DOCK7: variants seen among roughly 807,000 people sequenced by gnomAD.
DOCK7 encodes the protein dedicator of cytokinesis 7.
Under a neutral mutation model 271.0 loss-of-function variants are expected in DOCK7, and 138 were observed. That is an observed-to-expected ratio of 0.51 (90% confidence interval 0.44 to 0.59). The LOEUF (loss-of-function observed/expected upper bound fraction) is 0.59. Ranked by LOEUF, DOCK7 falls within the 20% of genes least tolerant of loss-of-function variation. The pLI is 0.00. For missense variants in DOCK7, 2,066 were observed against 2,592.4 expected (o/e 0.80, Z 4.41); for synonymous variants, 823 against 876.1 (o/e 0.94, Z 1.07).
At chr1:62,677,544 AG>A (rs901617902) in intron 1 of DOCK7, among the ~76,000 whole-genome samples, 4 of 151,180 alleles carry the variant, frequency 2.6e-5, no homozygotes, top group Non-Finnish European at 5.9e-5. Context: ...TTGCAACCCC[AG>A]CAAATAAAAA....
At chr1:62,533,126 C>T (rs999493437) in intron 29 of DOCK7, among the ~76,000 whole-genome samples, 6 of 152,046 alleles carry the variant, frequency 3.9e-5, no homozygotes, top group Admixed American at 1.3e-4. Context: ...TATCAGGCAG[C>T]CGTTTTCTTA....
At chr1:62,467,882 C>A (rs1049088699) in intron 48 of DOCK7, among the ~76,000 whole-genome samples, 1 of 152,158 alleles carries the variant, frequency 6.6e-6, no homozygotes, top group Non-Finnish European at 1.5e-5. Context: ...CCAAATCCAA[C>A]AGCATAGCAA....
intron 37 of DOCK7, among the ~76,000 whole-genome samples, chr1:62,500,996 C>T (rs996081722): frequency 5.3e-5 from 8 of 151,766 alleles, no homozygotes; most frequent in Non-Finnish European, 1.0e-4. Context: ...ACCATCATGC[C>T]ACTGCAGTCT....
Position 62,648,541 on chromosome 1 carries a change from A to G in DOCK7, c.393T>C (p.Tyr131=). Residue 131 remains tyrosine, a synonymous_variant, in exon 5 of 50, where the codon TAT becomes TAC. Coordinates refer to ENST00000635253, the MANE Select transcript of DOCK7 (RefSeq NM_001367561.1). ...GATTAAATCCTGTTCCCAATTTATG[A>G]TATCTATTAAAGAAAAAAAGTTAAA... ...TEDWAIVIRK[Y]HKLGTGFNPN... 2 of 1,308,668 alleles carry G rather than the reference A, an allele frequency of 1.5e-6. No individual in the cohort carries two copies. The highest frequency in any genetic ancestry group is 1.0e-6 in the Non-Finnish European group (1 of 987,928). The allele number at this position is 1,308,668 out of a possible 1,614,324, so 81.1% of individuals were successfully genotyped here.
intron 11 of DOCK7, among the ~76,000 whole-genome samples, chr1:62,629,844 C>A (rs375143271): frequency 2.8e-4 from 42 of 152,310 alleles, no homozygotes; most frequent in South Asian, 1.9e-3. Context: ...GTCACAAAAA[C>A]TTAACCAAAC....
intron 25 of DOCK7, 58 bp downstream of exon 25, chr1:62,542,550 G>C: frequency 1.3e-6 from 2 of 1,494,092 alleles, no homozygotes; most frequent in South Asian, 2.4e-5. Flanking sequence ...AAATGAGCTA[G>C]CATAAAATTG....
chr1:62,497,295 A>G (rs1029366972), intron 37 of DOCK7, among the ~76,000 whole-genome samples: 1 of 152,108 alleles, frequency 6.6e-6, no homozygotes, highest in Non-Finnish European at 1.5e-5. Context: ...AACATACTCT[A>G]AAGAGCCTCA....
In DOCK7 at chr1:62,555,975, C is replaced by A; in HGVS notation, c.2446G>T (p.Ala816Ser). The A allele has an allele frequency of 6.2e-7, 1 of 1,613,490 alleles. No homozygotes were observed. ...ATTGATGCCATGGCTTCAAAAGATG[C>A]TTGACCTAGGTTAACTTTTAAGAAA... ...IAGQIVNLGQ[A>S]SFEAMASIIN... The change falls in exon 21 of 50, where the codon GCA becomes TCA. Residue 816 changes from alanine to serine, a missense_variant. Physicochemically the swap from Ala to Ser is moderately conservative, Grantham distance 99 (BLOSUM62 1). Transcript: ENST00000635253.
At chr1:62,669,261 T>A (rs1171334679) in intron 1 of DOCK7, among the ~76,000 whole-genome samples, 3 of 152,220 alleles carry the variant, frequency 2.0e-5, no homozygotes, top group South Asian at 4.1e-4. Context: ...TTGATTTCAG[T>A]AGTGGGAAAG....
chr1:62,631,428 TTA>T, intron 10 of DOCK7, 23 bp from the exon 11 acceptor site: 1 of 1,547,794 alleles, frequency 6.5e-7, no homozygotes, highest in Non-Finnish European at 8.7e-7. Flanking sequence ...ACTTTATACA[TTA>T]TATGATTATA....
At chr1:62,583,523 T>C (rs746453383) in intron 15 of DOCK7, among the ~76,000 whole-genome samples, 1 of 152,220 alleles carries the variant, frequency 6.6e-6, no homozygotes, top group African/African-American at 2.4e-5. Context: ...TACATTTCTT[T>C]CCTTTTTCTT....
chr1:62,584,206 T>C (rs1647244425), intron 15 of DOCK7: 1 of 984,328 alleles, frequency 1.0e-6, no homozygotes, highest in Non-Finnish European at 1.2e-6. Context: ...TTTGCAACAT[T>C]TCAAGCAGGC....
At chr1:62,587,299 TA>T in intron 14 of DOCK7, among the ~76,000 whole-genome samples, 3,198 of 41,868 alleles carry the variant, frequency 0.076, 91 homozygotes, top group African/African-American at 0.18. Context: ...ACCAAATAGC[TA>T]AAAAAAAAAA....
At chr1:62,603,244 C>A (rs1010862567) in intron 14 of DOCK7, among the ~76,000 whole-genome samples, 1 of 151,570 alleles carries the variant, frequency 6.6e-6, no homozygotes, top group Non-Finnish European at 1.5e-5. Flanking sequence ...TTGTATTTAC[C>A]AGCAATCCTT....
intron 14 of DOCK7, among the ~76,000 whole-genome samples, chr1:62,592,169 C>G (rs966833907): frequency 6.6e-6 from 1 of 152,086 alleles, no homozygotes; most frequent in Non-Finnish European, 1.5e-5. Flanking sequence ...ACTACTAACT[C>G]CATTAATAAA....
In DOCK7 at chr1:62,653,756, A is replaced by G; in HGVS notation, c.358T>C (p.Tyr120His). 6.3e-7 allele frequency: 1 copy of G among 1,593,718 alleles called. No homozygotes were observed. The highest frequency in any genetic ancestry group is 8.6e-7 in the Non-Finnish European group (1 of 1,162,764). Reference protein sequence around the residue: ...DPHVRDCIRSYTEDWAIVIRK... With the variant: ...DPHVRDCIRSHTEDWAIVIRK... ...ATGACAATTGCCCAGTCTTCTGTAT[A>G]ACTTCTTATACAGTCTCTAACATGT... The change falls in exon 4 of 50, where the codon TAT becomes CAT. Residue 120 changes from tyrosine to histidine, a missense_variant. This residue lies in a region of DOCK7 where 1,414 missense variants were observed against 1,670.4 expected (regional missense o/e 0.85). Coordinates refer to ENST00000635253, the MANE Select transcript of DOCK7 (RefSeq NM_001367561.1).
intron 29 of DOCK7, among the ~76,000 whole-genome samples, chr1:62,534,402 C>A (rs998485972): frequency 1.3e-5 from 2 of 152,004 alleles, no homozygotes; most frequent in South Asian, 4.2e-4. Flanking sequence ...TCACTCGAGG[C>A]CAGGAGTTGG....
intron 14 of DOCK7, chr1:62,604,761 T>C (rs777991106): frequency 1.9e-6 from 3 of 1,613,110 alleles, no homozygotes; most frequent in Admixed American, 3.3e-5. Flanking sequence ...AAGGTTATAC[T>C]CTATAAAATC....
At chr1:62,599,393 C>T (rs954121021) in intron 14 of DOCK7, among the ~76,000 whole-genome samples, 2 of 151,932 alleles carry the variant, frequency 1.3e-5, no homozygotes, top group South Asian at 2.1e-4. Flanking sequence ...CCCTTAGGGT[C>T]GTTATCAAAC....
Sources: allele counts gnomAD v4.1 joint callset (sites outside exome capture counted in the v4.1 genomes callset), GRCh38; gene constraint gnomAD v4.1.1; regional missense constraint gnomAD v4.1.1; transcripts MANE v1.5; gene names NCBI Gene and HGNC (gene_info 2026-07-23, HGNC 2026-07-21).